The following LIMCH1 variants were observed in gnomAD, a reference collection of about 807,000 sequenced individuals.
The protein encoded by LIMCH1 is LIM and calponin homology domains-containing protein 1.
In LIMCH1, 113 loss-of-function variants were observed where a neutral mutation model predicts 176.5. That is an observed-to-expected ratio of 0.64 (90% confidence interval 0.55 to 0.75). LIMCH1 has a LOEUF of 0.75. LIMCH1 is among the 30% of genes least tolerant of loss of function. LIMCH1 has a pLI of 0.00. For missense variants in LIMCH1, 1,674 were observed against 1,814.9 expected (o/e 0.92, Z 1.41); for synonymous variants, 619 against 645.9 (o/e 0.96, Z 0.63).
rs757693749 is a variant in LIMCH1 at position 41,646,293 on chromosome 4, T to C, written c.2411+13T>C. On this transcript the variant is annotated intron_variant, in intron 16 of 31. Coordinates refer to ENST00000503057, the MANE Select transcript of LIMCH1 (RefSeq NM_001330672.2). Reference sequence around the variant, plus strand: ...TTGTTCAAGAAAAGTGAGTTCTTTCTGTTGTCGTTTTTAATGTACAATATT... The same window carrying C: ...TTGTTCAAGAAAAGTGAGTTCTTTCCGTTGTCGTTTTTAATGTACAATATT... 1 of 1,596,152 alleles carries C rather than the reference T, an allele frequency of 6.3e-7. No individual in the cohort carries two copies. The highest frequency in any genetic ancestry group is 8.5e-7 in the Non-Finnish European group (1 of 1,175,228).
intron 1 of LIMCH1, among the ~76,000 whole-genome samples, chr4:41,390,306 T>C (rs756602990): frequency 6.6e-6 from 1 of 151,838 alleles, no homozygotes; most frequent in Non-Finnish European, 1.5e-5. Flanking sequence ...GGAGCCTCTC[T>C]GCCTCCCTGG....
intron 1 of LIMCH1, among the ~76,000 whole-genome samples, chr4:41,377,101 C>T (rs1263960677): frequency 6.6e-6 from 1 of 152,142 alleles, no homozygotes; most frequent in Admixed American, 6.5e-5. Flanking sequence ...CACCCCCAAA[C>T]CCAGTGGCAG....
chr4:41,464,378 T>C (rs569690311), intron 1 of LIMCH1, among the ~76,000 whole-genome samples: 11 of 150,306 alleles, frequency 7.3e-5, no homozygotes, highest in Non-Finnish European at 1.2e-4. Flanking sequence ...TTCTTTTTTT[T>C]TTTTTTCTGA....
chr4:41,438,695 T>A (rs2062367010), intron 1 of LIMCH1, among the ~76,000 whole-genome samples: 1 of 152,092 alleles, frequency 6.6e-6, no homozygotes, highest in Admixed American at 6.6e-5. Context: ...GGACTATTTT[T>A]TTTTTTTGTT....
intron 19 of LIMCH1, chr4:41,661,842 G>A (rs1460294718): frequency 7.8e-6 from 3 of 385,826 alleles, no homozygotes; most frequent in Non-Finnish European, 1.4e-5. Context: ...CACAGTAACA[G>A]CAATAGATAA....
At chr4:41,519,769 A>G (rs900716240) in intron 2 of LIMCH1, among the ~76,000 whole-genome samples, 3 of 152,230 alleles carry the variant, frequency 2.0e-5, no homozygotes, top group African/African-American at 7.2e-5. Context: ...ATCAAATGCT[A>G]GCAACACCCA....
chr4:41,578,681 ATTTC>A (rs2084897596), intron 1 of LIMCH1, among the ~76,000 whole-genome samples: 1 of 151,434 alleles, frequency 6.6e-6, no homozygotes, highest in Non-Finnish European at 1.5e-5. Flanking sequence ...GACCATTAGT[ATTTC>A]TTCTTTTCTT....
intron 1 of LIMCH1, among the ~76,000 whole-genome samples, chr4:41,405,349 T>C (rs2058854929): frequency 6.6e-6 from 1 of 152,208 alleles, no homozygotes; most frequent in Non-Finnish European, 1.5e-5. Context: ...TAGTATGTGT[T>C]GTTCAGGTGA....
chr4:41,590,119 G>A (rs528973240), intron 1 of LIMCH1, among the ~76,000 whole-genome samples: 34 of 151,772 alleles, frequency 2.2e-4, no homozygotes, highest in African/African-American at 7.3e-4. Context: ...TTTTGAGACA[G>A]GGTCTCGCTC....
intron 7 of LIMCH1, among the ~76,000 whole-genome samples, chr4:41,626,400 T>C (rs539681514): frequency 2.0e-4 from 31 of 152,236 alleles, no homozygotes; most frequent in Admixed American, 3.3e-4. Flanking sequence ...TTCCCATTTT[T>C]CCCCAATTTC....
At chr4:41,530,037 T>C (rs1319303820) in intron 3 of LIMCH1, among the ~76,000 whole-genome samples, 1 of 152,224 alleles carries the variant, frequency 6.6e-6, no homozygotes, top group Non-Finnish European at 1.5e-5. Flanking sequence ...AATGTAAGTT[T>C]CCATAAGTTC....
intron 1 of LIMCH1, among the ~76,000 whole-genome samples, chr4:41,462,351 A>G (rs2065496206): frequency 6.6e-6 from 1 of 152,136 alleles, no homozygotes; most frequent in African/African-American, 2.4e-5. Flanking sequence ...TTTATTGGTA[A>G]CTTACAGTTT....
chr4:41,558,654 T>TAGGTG (rs2081630143), intron 1 of LIMCH1, among the ~76,000 whole-genome samples: 1 of 152,166 alleles, frequency 6.6e-6, no homozygotes, highest in African/African-American at 2.4e-5. Context: ...CTGAGTGGGT[T>TAGGTG]CCTGTGCCCA....
intron 1 of LIMCH1, among the ~76,000 whole-genome samples, chr4:41,555,100 C>A (rs979224264): frequency 6.6e-6 from 1 of 152,066 alleles, no homozygotes; most frequent in Non-Finnish European, 1.5e-5. Context: ...GATGTTGACA[C>A]ATCTGCTCGA....
intron 1 of LIMCH1, among the ~76,000 whole-genome samples, chr4:41,430,888 GT>G (rs554868026): frequency 0.011 from 1,588 of 147,800 alleles, 25 homozygotes; most frequent in Non-Finnish European, 0.015. Flanking sequence ...TTTCTGTTTT[GT>G]TTTTTTTTTC....
At chr4:41,459,386 G>A (rs981513237) in intron 1 of LIMCH1, among the ~76,000 whole-genome samples, 4 of 151,796 alleles carry the variant, frequency 2.6e-5, no homozygotes, top group Non-Finnish European at 2.9e-5. Flanking sequence ...TTGCAGCCTC[G>A]ACCTCCTGGG....
Position 41,487,001 on chromosome 4 carries a change from CAT to C in LIMCH1, c.97-7525_97-7524del, listed in dbSNP as rs35522271. Reference sequence around the variant, plus strand: ...ATACACACACACACACACACACACACATATATATATACACACGTACATATATA... The same window carrying C: ...ATACACACACACACACACACACACACATATATATACACACGTACATATATA... On this transcript the variant is annotated intron_variant, in intron 1 of 26. Coordinates refer to the LIMCH1 transcript ENST00000313860. Among the ~76,000 whole-genome samples, 1,346 of 148,488 alleles carry C rather than the reference CAT, an allele frequency of 9.1e-3. 11 individuals carry two copies. Among genetic ancestry groups the C allele is most frequent in the Admixed American group, 0.018 (270 of 14,956 alleles).
In LIMCH1 at chr4:41,629,498, G is replaced by A; in HGVS notation, c.1035G>A (p.Gln345=). ...KKRSLEYKRN[Q]GHTEEVKLIV... ...GCCCGGATCAAATGGACAGAAACCA[G>A]GGCCACACAGAAGAGGTGAAGTTGA... The change falls in exon 9 of 32, where the codon CAG becomes CAA. Residue 345 remains glutamine (Q), a synonymous_variant. Transcript: ENST00000503057. 1 of 1,535,976 alleles carries A rather than the reference G, an allele frequency of 6.5e-7. No homozygotes were observed. Among genetic ancestry groups the A allele is most frequent in the Non-Finnish European group, 8.7e-7 (1 of 1,146,880 alleles).
At chr4:41,595,045 C>T (rs1463243588) in intron 1 of LIMCH1, among the ~76,000 whole-genome samples, 1 of 152,138 alleles carries the variant, frequency 6.6e-6, no homozygotes, top group African/African-American at 2.4e-5. Flanking sequence ...ACTAGTCACT[C>T]GTTGGTTTGG....
Sources: gnomAD v4.1 joint callset for allele counts (sites outside exome capture counted in the v4.1 genomes callset) on GRCh38, gnomAD v4.1.1 for gene constraint, MANE v1.5 for transcripts, NCBI Gene and HGNC (gene_info 2026-07-23, HGNC 2026-07-21) for gene names.